Variants in NPFFR1 observed in about 807,000 individuals in gnomAD.
NPFFR1 encodes G-protein coupled receptor 147.
NPFFR1 carries 17 observed loss-of-function variants against 12.7 expected under a neutral mutation model. The ratio of observed to expected loss-of-function variants is 1.34; its 90% CI spans 0.92 to 2.01. The LOEUF is 2.01. Ranked by LOEUF, NPFFR1 falls within the 30% of genes most tolerant of loss-of-function variation. The pLI is 0.00. For missense variants in NPFFR1, 604 were observed against 606.5 expected (o/e 1.00, Z 0.04); for synonymous variants, 296 against 264.5 (o/e 1.12, Z -1.16).
Position 70,253,534 on chromosome 10 carries a change from G to A in NPFFR1, c.*1423C>T, listed in dbSNP as rs1373950440. The A allele has an allele frequency of 6.6e-6, 1 of 152,192 alleles. No individual in the cohort carries two copies. The highest frequency in any genetic ancestry group is 1.5e-5 in the Non-Finnish European group (1 of 68,034). 9.4% of individuals were successfully genotyped at this position (152,192 alleles called of 1,614,324 possible). A position where few individuals can be genotyped will look rare whatever the true frequency, so the allele number is the denominator to read the frequency against. Reference sequence around the variant, plus strand: ...ATTACTATGGATTAAATGAGACGGTGTCTGGGGACATGCTTGGAGAATGTA... The same window carrying A: ...ATTACTATGGATTAAATGAGACGGTATCTGGGGACATGCTTGGAGAATGTA... On this transcript the variant is annotated 3_prime_UTR_variant, in exon 4 of 4. Coordinates refer to ENST00000277942, the MANE Select transcript of NPFFR1 (RefSeq NM_022146.5).
chr10:70,282,391 C>T (rs1840873031), intron 1 of NPFFR1, among the ~76,000 whole-genome samples: 1 of 152,154 alleles, frequency 6.6e-6, no homozygotes, highest in Admixed American at 6.5e-5. Flanking sequence ...AGCTTCAGGG[C>T]TTTGCTAACG....
At chr10:70,263,785 AC>A (rs1840658913) in intron 2 of NPFFR1, among the ~76,000 whole-genome samples, 1 of 151,978 alleles carries the variant, frequency 6.6e-6, no homozygotes, top group Non-Finnish European at 1.5e-5. Flanking sequence ...TAAAAAAAAA[AC>A]AAAACCAACA....
intron 1 of NPFFR1, among the ~76,000 whole-genome samples, chr10:70,279,219 T>G (rs1840834557): frequency 6.6e-6 from 1 of 152,206 alleles, no homozygotes; most frequent in African/African-American, 2.4e-5. Context: ...AGATCTTGGC[T>G]CACTGCAACC....
intron 1 of NPFFR1, chr10:70,278,023 T>G (rs1840822781): frequency 1.9e-6 from 1 of 517,266 alleles, no homozygotes; most frequent in Admixed American, 2.0e-5. Context: ...TAGTCAGTCA[T>G]GAGACCTGTC....
intron 3 of NPFFR1, among the ~76,000 whole-genome samples, chr10:70,259,044 T>C (rs1417735883): frequency 6.6e-6 from 1 of 152,140 alleles, no homozygotes; most frequent in African/African-American, 2.4e-5. Context: ...GTCAGCACTT[T>C]GGGAGGCTGA....
chr10:70,259,494 C>T (rs548111735), intron 3 of NPFFR1, among the ~76,000 whole-genome samples: 102 of 152,212 alleles, frequency 6.7e-4, no homozygotes, highest in African/African-American at 2.2e-3. Flanking sequence ...TCATTTCCTT[C>T]AACAATGATA....
chr10:70,267,365 C>T (rs996513352), intron 1 of NPFFR1, among the ~76,000 whole-genome samples: 4 of 152,192 alleles, frequency 2.6e-5, no homozygotes, highest in African/African-American at 9.7e-5. Context: ...TTTTATTTAG[C>T]TCTCCGAGCC....
In NPFFR1 at chr10:70,248,474, T is replaced by TTTG. The variant is rs1564591141; in HGVS notation, c.*6482_*6483insCAA. 3.5e-5 allele frequency: 2 copies of TTTG among 57,078 alleles called. No individual in the cohort carries two copies. Among genetic ancestry groups the TTTG allele is most frequent in the African/African-American group, 9.5e-5 (2 of 21,116 alleles). The allele number at this position is 57,078 out of a possible 1,614,324, so 3.5% of individuals were successfully genotyped here. A position where few individuals can be genotyped will look rare whatever the true frequency, so the allele number is the denominator to read the frequency against. On this transcript the variant is annotated 3_prime_UTR_variant, in exon 4 of 4. Transcript: ENST00000277942. Reference sequence around the variant, plus strand: ...CGTAGTACTATGCCTGGCGTTTTTTTTTTGTTTTTTGTTTTTTTTTTTTTT... The same window carrying TTTG: ...CGTAGTACTATGCCTGGCGTTTTTTTTTGTTTGTTTTTTGTTTTTTTTTTTTTT...
chr10:70,271,005 G>A (rs1369494906), intron 1 of NPFFR1, among the ~76,000 whole-genome samples: 2 of 152,182 alleles, frequency 1.3e-5, no homozygotes, highest in Admixed American at 6.5e-5. Context: ...CCCTGGCCTT[G>A]GGAACCAGAA....
Position 70,270,418 on chromosome 10 carries a change from G to A in NPFFR1, c.8-4027C>T, listed in dbSNP as rs1840734142. Reference sequence around the variant, plus strand: ...TCTGAATCATCTCCCATGACTGGGGGGATCTGTGGGTATGGATGGGCAGAG... The same window carrying A: ...TCTGAATCATCTCCCATGACTGGGGAGATCTGTGGGTATGGATGGGCAGAG... On this transcript the variant is annotated intron_variant, in intron 1 of 3. Transcript: ENST00000277942. 2.6e-5 allele frequency among the ~76,000 whole-genome samples: 4 copies of A among 152,206 alleles called. No individual in the cohort carries two copies. The South Asian group carries it at 8.3e-4, about 31-fold the overall frequency.
At chr10:70,272,493 A>C (rs1343389021) in intron 1 of NPFFR1, among the ~76,000 whole-genome samples, 1 of 152,278 alleles carries the variant, frequency 6.6e-6, no homozygotes, top group Non-Finnish European at 1.5e-5. Flanking sequence ...TGCCGAGTAC[A>C]TGCAGCATGA....
At chr10:70,271,136 G>C (rs1316215161) in intron 1 of NPFFR1, among the ~76,000 whole-genome samples, 1 of 152,152 alleles carries the variant, frequency 6.6e-6, no homozygotes, top group Non-Finnish European at 1.5e-5. Context: ...AAGACACCTC[G>C]AGTGGATACA....
rs927254176 is a variant in NPFFR1, at chr10:70,253,940, T to C, written c.*1017A>G. On this transcript the variant is annotated 3_prime_UTR_variant, in exon 4 of 4. Transcript: ENST00000277942. ...TTGTGCTGGGGAAGAGTTTAGTGTG[T>C]GTCCTTCAGGAGTCTCCAAATGGCA... is the stretch of plus-strand genomic sequence containing the variant. 2 of 152,176 alleles carry C rather than the reference T, an allele frequency of 1.3e-5. No individual in the cohort carries two copies. Among genetic ancestry groups the C allele is most frequent in the Admixed American group, 6.5e-5 (1 of 15,276 alleles). The allele number at this position is 152,176 out of a possible 1,614,324, so 9.4% of individuals were successfully genotyped here. A position where few individuals can be genotyped will look rare whatever the true frequency, so the allele number is the denominator to read the frequency against.
At chr10:70,266,054 T>C (rs1384234190) in intron 2 of NPFFR1, 23 bp downstream of exon 2, 3 of 1,605,836 alleles carry the variant, frequency 1.9e-6, no homozygotes, top group Non-Finnish European at 2.6e-6. Context: ...GGGACACTCC[T>C]GCTGCCAACT....
At chr10:70,281,357 A>T (rs12771488) in intron 1 of NPFFR1, among the ~76,000 whole-genome samples, 50,045 of 152,014 alleles carry the variant, frequency 0.33, 9,022 homozygotes, top group South Asian at 0.5. Context: ...TGTCCCCAGC[A>T]GGATAGAACC....
In NPFFR1 at chr10:70,255,761, G is replaced by C. The variant is rs1226353186; in HGVS notation, c.489C>G (p.Ala163=). 3.7e-6 allele frequency: 6 copies of C among 1,611,690 alleles called. No homozygotes were observed. In the East Asian group the frequency reaches 1.3e-4, roughly 36 times the overall value. Residue 163 remains alanine (A), a synonymous_variant, in exon 4 of 4, where the codon GCC becomes GCG. Transcript: ENST00000277942. This position sits in a 1 kb window ranked among gnomAD's most constrained non-coding sequence, Gnocchi z 4.2. ...TGAGCAGCGCCAGGGCCCAGATGAC[G>C]GCGATGGTGACGAGCGCCTTCCGCA... is the stretch of plus-strand genomic sequence containing the variant. ...LTLRKALVTI[A]VIWALALLIM... is the part of the protein sequence containing the mutation.
rs7895950 is a variant in NPFFR1, at chr10:70,253,120, G to A, written c.*1837C>T. On this transcript the variant is annotated 3_prime_UTR_variant, in exon 4 of 4. Coordinates refer to ENST00000277942, the MANE Select transcript of NPFFR1 (RefSeq NM_022146.5). Reference sequence around the variant, plus strand: ...CACCAGCTAATACCACTGAGGGGCAGGAGGGCATACTCTCTCTCAGACCCT... The same window carrying A: ...CACCAGCTAATACCACTGAGGGGCAAGAGGGCATACTCTCTCTCAGACCCT... 0.069 allele frequency: 10,496 copies of A among 152,292 alleles called. 541 individuals carry two copies. Among genetic ancestry groups the A allele is most frequent in the African/African-American group, 0.13 (5,292 of 41,462 alleles). 9.4% of individuals were successfully genotyped at this position (152,292 alleles called of 1,614,324 possible).
chr10:70,257,880 A>G (rs182097823), intron 3 of NPFFR1, among the ~76,000 whole-genome samples: 1 of 152,358 alleles, frequency 6.6e-6, no homozygotes, highest in Admixed American at 6.5e-5. Context: ...GGAGAGAAAC[A>G]TAAATCTGGC....
At position 70,248,579 on chromosome 10, in the gene NPFFR1, A is replaced by C. The variant is rs1385665067; in HGVS notation, c.*6378T>G. The C allele has an allele frequency of 7.1e-6, 1 of 141,438 alleles. No individual in the cohort carries two copies. The highest frequency in any genetic ancestry group is 7.8e-5 in the Admixed American group (1 of 12,740). The allele number at this position is 141,438 out of a possible 1,614,324, so 8.8% of individuals were successfully genotyped here. ...TGGCTTACTGCAAACTCCGCCTCCCAGGTTCAAGCAATTCCCCTCCCTCAG... is the reference window on the plus strand; with the variant it reads ...TGGCTTACTGCAAACTCCGCCTCCCCGGTTCAAGCAATTCCCCTCCCTCAG... On this transcript the variant is annotated 3_prime_UTR_variant, in exon 4 of 4. Coordinates refer to ENST00000277942, the MANE Select transcript of NPFFR1 (RefSeq NM_022146.5).
Sources: gnomAD v4.1 joint callset for allele counts (sites outside exome capture counted in the v4.1 genomes callset) on GRCh38, gnomAD v4.1.1 for gene constraint, Gnocchi (gnomAD v3.1) non-coding constraint, MANE v1.5 for transcripts, NCBI Gene and HGNC (gene_info 2026-07-23, HGNC 2026-07-21) for gene names.